GALNS: variants seen among roughly 807,000 people sequenced by gnomAD.
GALNS encodes the protein N-acetylgalactosamine-6-sulfatase.
A neutral mutation model predicts 65.9 loss-of-function variants in GALNS; 65 were observed. The observed-to-expected ratio is 0.99, with a 90% CI of 0.81 to 1.21. The LOEUF is 1.21. GALNS is among the 50% of genes most tolerant of loss of function. The pLI, the probability that GALNS is intolerant of heterozygous loss-of-function variation, is 0.00. For synonymous variants in GALNS, 346 were observed against 288.9 expected (o/e 1.20, Z -2.00); for missense variants, 776 against 700.7 (o/e 1.11, Z -1.21).
intron 1 of GALNS, among the ~76,000 whole-genome samples, chr16:88,853,187 G>C (rs752535237): frequency 6.8e-6 from 1 of 147,118 alleles, no homozygotes; most frequent in Non-Finnish European, 1.5e-5. Context: ...GGAGACGGAG[G>C]TTGCAGTGAG....
intron 2 of GALNS, chr16:88,842,319 C>G: frequency 1.9e-6 from 1 of 514,316 alleles, no homozygotes; most frequent in Non-Finnish European, 3.5e-6. Flanking sequence ...TCCTCACGAT[C>G]AACACCACAT....
chr16:88,854,901 C>T (rs1408083116), intron 1 of GALNS, among the ~76,000 whole-genome samples: 2 of 152,236 alleles, frequency 1.3e-5, no homozygotes, highest in African/African-American at 4.8e-5. Flanking sequence ...GTTCTTTAGG[C>T]GTCAGCTGCC....
chr16:88,824,657 A>G (rs1189412034), intron 11 of GALNS, 110 bp downstream of exon 11: 5 of 851,942 alleles, frequency 5.9e-6, no homozygotes, highest in South Asian at 2.7e-5. Context: ...GAGGGGGTGG[A>G]GTTCCTGCCT....
At chr16:88,837,312 A>C (rs986942274) in intron 5 of GALNS, among the ~76,000 whole-genome samples, 9 of 152,112 alleles carry the variant, frequency 5.9e-5, no homozygotes, top group Admixed American at 3.9e-4. Context: ...CGTAGACCAC[A>C]TGGGCAGTAC....
chr16:88,854,388 C>A (rs1238408318), intron 1 of GALNS, among the ~76,000 whole-genome samples: 1 of 152,234 alleles, frequency 6.6e-6, no homozygotes, highest in Non-Finnish European at 1.5e-5. Context: ...CACCTCGGGG[C>A]TCCACTGTGA....
intron 10 of GALNS, among the ~76,000 whole-genome samples, chr16:88,825,516 C>A (rs904020516): frequency 7.8e-6 from 1 of 128,332 alleles, no homozygotes; most frequent in Non-Finnish European, 1.7e-5. Flanking sequence ...ATGTCTGGGG[C>A]TGGGGTTTCT....
At position 88,815,646 on chromosome 16, in the gene GALNS, C is replaced by T. The variant is rs550344189; in HGVS notation, c.1483-1121G>A. The T allele has an allele frequency of 2.5e-5, 25 of 985,482 alleles. No individual in the cohort carries two copies. The East Asian group carries it at 3.4e-4, about 13-fold the overall frequency. 61.0% of individuals were successfully genotyped at this position (985,482 alleles called of 1,614,324 possible). A position where few individuals can be genotyped will look rare whatever the true frequency, so the allele number is the denominator to read the frequency against. ...GCCACTTCTGTGCCACGTCAGACGC[C>T]GCATGGCCCTGAGGGCACTTTCCGG... On this transcript the variant is annotated intron_variant, in intron 13 of 13. Transcript: ENST00000268695.
At chr16:88,827,158 T>G (rs1489017829) in intron 9 of GALNS, 1 of 481,216 alleles carries the variant, frequency 2.1e-6, no homozygotes, top group Non-Finnish European at 3.8e-6. Context: ...CCGGAGAGGA[T>G]CAGCCTCGCT....
chr16:88,814,923 A>G (rs778670852), intron 13 of GALNS: 11 of 547,454 alleles, frequency 2.0e-5, no homozygotes, highest in African/African-American at 8.2e-5. Flanking sequence ...GGTAGAGACA[A>G]GGGTTCCCCA....
rs902958190 is a variant in GALNS at position 88,814,211 on chromosome 16, C to T, written c.*228G>A. On this transcript the variant is annotated 3_prime_UTR_variant, in exon 14 of 14. Coordinates refer to ENST00000268695, the MANE Select transcript of GALNS (RefSeq NM_000512.5). Reference sequence around the variant, plus strand: ...GTCCTGAGGTCTGAGGCGCCGTGGGCGAGGAGGAGGGTCCTGAAATCTGAG... The same window carrying T: ...GTCCTGAGGTCTGAGGCGCCGTGGGTGAGGAGGAGGGTCCTGAAATCTGAG... 17 of 614,754 alleles carry T rather than the reference C, an allele frequency of 2.8e-5. No individual in the cohort carries two copies. Among genetic ancestry groups the T allele is most frequent in the Non-Finnish European group, 4.3e-5 (15 of 347,308 alleles). The allele number at this position is 614,754 out of a possible 1,614,324, so 38.1% of individuals were successfully genotyped here. A position where few individuals can be genotyped will look rare whatever the true frequency, so the allele number is the denominator to read the frequency against.
intron 1 of GALNS, chr16:88,845,368 A>G (rs1967198446): frequency 6.6e-6 from 1 of 151,712 alleles, no homozygotes; most frequent in African/African-American, 2.4e-5. Context: ...CAACAACAAC[A>G]AAACCCAGCA....
chr16:88,855,574 G>C (rs1483739095), intron 1 of GALNS: 4 of 686,310 alleles, frequency 5.8e-6, no homozygotes, highest in Non-Finnish European at 1.1e-5. Context: ...CAGGACTGTC[G>C]GCTGTCACCC....
At chr16:88,855,751 A>C in intron 1 of GALNS, 2 of 549,674 alleles carry the variant, frequency 3.6e-6, no homozygotes, top group South Asian at 4.3e-5. Flanking sequence ...TCCAATTCCG[A>C]CAGCCACGAC....
chr16:88,847,329 C>T (rs978681841), intron 1 of GALNS, among the ~76,000 whole-genome samples: 10 of 152,118 alleles, frequency 6.6e-5, no homozygotes, highest in African/African-American at 2.4e-4. Flanking sequence ...TGAGATCGCG[C>T]CACGGCAGTC....
intron 11 of GALNS, among the ~76,000 whole-genome samples, chr16:88,823,144 G>A (rs533085214): frequency 8.5e-5 from 13 of 152,170 alleles, no homozygotes; most frequent in Non-Finnish European, 1.9e-4. Flanking sequence ...ACTCTCTGCT[G>A]GGGAAGGGAG....
intron 8 of GALNS, among the ~76,000 whole-genome samples, 154 bp from the exon 9 acceptor site, chr16:88,832,255 C>T (rs1188897762): frequency 1.3e-5 from 2 of 152,124 alleles, no homozygotes; most frequent in African/African-American, 4.8e-5. Flanking sequence ...CGGGGTGGCT[C>T]TCCAGGGGCT....
chr16:88,846,477 G>C (rs370700061), intron 1 of GALNS, among the ~76,000 whole-genome samples: 2 of 151,206 alleles, frequency 1.3e-5, no homozygotes, highest in Non-Finnish European at 2.9e-5. Flanking sequence ...TCAGACTTCC[G>C]GCCTCCAGAC....
chr16:88,846,346 G>C (rs748915678), intron 1 of GALNS, among the ~76,000 whole-genome samples: 2 of 152,190 alleles, frequency 1.3e-5, no homozygotes, highest in East Asian at 1.9e-4. Context: ...TGTGGCAATG[G>C]GGTCAGAGGC....
At chr16:88,847,821 G>A (rs964850105) in intron 1 of GALNS, among the ~76,000 whole-genome samples, 6 of 152,228 alleles carry the variant, frequency 3.9e-5, no homozygotes, top group Non-Finnish European at 7.3e-5. Context: ...GGGTGGCCAC[G>A]CCGCCCGGCA....
Sources: gnomAD v4.1 joint callset for allele counts (sites outside exome capture counted in the v4.1 genomes callset) on GRCh38, gnomAD v4.1.1 for gene constraint, MANE v1.5 for transcripts, NCBI Gene and HGNC (gene_info 2026-07-23, HGNC 2026-07-21) for gene names.